MAD1L1: variants seen among roughly 807,000 people sequenced by gnomAD.
MAD1L1 encodes mitotic spindle assembly checkpoint protein MAD1.
Under a neutral mutation model 96.9 loss-of-function variants are expected in MAD1L1, and 95 were observed. The ratio of observed to expected loss-of-function variants is 0.98; its 90% CI spans 0.83 to 1.16. The LOEUF (loss-of-function observed/expected upper bound fraction) is 1.16. MAD1L1 is among the 50% of genes most tolerant of loss of function. The probability of loss-of-function intolerance (pLI) is 0.00; values close to 1 mark genes in which losing one functional copy is unlikely to be tolerated. For synonymous variants in MAD1L1, 473 were observed against 396.6 expected, an observed-to-expected ratio of 1.19 and a Z score of -2.29; for missense variants, 1,007 against 954.4, an observed-to-expected ratio of 1.06 and a Z score of -0.73.
intron 18 of MAD1L1, among the ~76,000 whole-genome samples, chr7:1,875,407 G>A (rs901205941): frequency 1.4e-4 from 21 of 152,310 alleles, no homozygotes; most frequent in Middle Eastern, 3.4e-3. Context: ...AGAACAACGC[G>A]AAGTTCTGGC....
intron 13 of MAD1L1, among the ~76,000 whole-genome samples, chr7:2,004,254 C>T (rs2060719056): frequency 6.6e-6 from 1 of 152,158 alleles, no homozygotes; most frequent in South Asian, 2.1e-4. Flanking sequence ...GAGCTGCCCG[C>T]ACCCCTGGCA....
At chr7:2,211,700 G>C (rs1380820336) in intron 10 of MAD1L1, among the ~76,000 whole-genome samples, 1 of 152,198 alleles carries the variant, frequency 6.6e-6, no homozygotes, top group Non-Finnish European at 1.5e-5. Flanking sequence ...GAGTTCAAGA[G>C]GAGACAGCAG....
intron 18 of MAD1L1, among the ~76,000 whole-genome samples, chr7:1,836,055 T>C (rs1425449261): frequency 1.3e-5 from 2 of 152,202 alleles, no homozygotes; most frequent in Non-Finnish European, 2.9e-5. Flanking sequence ...GGAGTCTCAC[T>C]CTGCCGCCCA....
At chr7:1,974,408 C>T (rs1490781323) in intron 15 of MAD1L1, among the ~76,000 whole-genome samples, 1 of 152,182 alleles carries the variant, frequency 6.6e-6, no homozygotes, top group Non-Finnish European at 1.5e-5. Flanking sequence ...ACAGGGTTCA[C>T]TAGGAGAAGA....
chr7:1,883,973 G>A (rs1320882767), intron 18 of MAD1L1, among the ~76,000 whole-genome samples: 2 of 152,318 alleles, frequency 1.3e-5, no homozygotes, highest in Admixed American at 6.5e-5. Context: ...CCTGGAGGAG[G>A]AACCGCAGGC....
Position 1,824,293 on chromosome 7 carries a change from G to C in MAD1L1, c.1999-8065C>G, listed in dbSNP as rs146955194. 2.4e-3 allele frequency among the ~76,000 whole-genome samples: 368 copies of C among 152,318 alleles called. 2 individuals carry two copies. Among genetic ancestry groups the C allele is most frequent in the African/African-American group, 8.5e-3 (353 of 41,566 alleles). On this transcript the variant is annotated intron_variant, in intron 18 of 18. Coordinates refer to ENST00000265854, the MANE Select transcript of MAD1L1 (RefSeq NM_001013836.2). ...GGGGCTTTCGCACCCACCAGAACTA[G>C]CTTCTAACCTCGGCTTGGCCACCAG...
In MAD1L1 at chr7:1,828,503, C is replaced by T. The variant is rs555062746; in HGVS notation, c.1999-12275G>A. ...GACCAGTGCCTGTCTCCGGCAGCCTCGCGGGAAAGCCTGCGAACTAGGCGG... is the reference window on the plus strand; with the variant it reads ...GACCAGTGCCTGTCTCCGGCAGCCTTGCGGGAAAGCCTGCGAACTAGGCGG... On this transcript the variant is annotated intron_variant, in intron 18 of 18. Transcript: ENST00000265854. Among the ~76,000 whole-genome samples, 500 of 152,328 alleles carry T rather than the reference C, an allele frequency of 3.3e-3. 3 individuals carry two copies. The highest frequency in any genetic ancestry group is 0.011 in the African/African-American group (472 of 41,578).
At chr7:2,179,533 A>AC (rs1214455960) in intron 10 of MAD1L1, among the ~76,000 whole-genome samples, 1 of 151,714 alleles carries the variant, frequency 6.6e-6, no homozygotes, top group Non-Finnish European at 1.5e-5. Context: ...TGTCTCAAAA[A>AC]AAAAAAAAAA....
At chr7:1,883,418 T>C (rs1785809587) in intron 18 of MAD1L1, among the ~76,000 whole-genome samples, 1 of 152,214 alleles carries the variant, frequency 6.6e-6, no homozygotes, top group African/African-American at 2.4e-5. Context: ...CAGTCTCTTC[T>C]GAATGCCTGG....
intron 10 of MAD1L1, chr7:2,202,057 C>G (rs1011240955): frequency 6.6e-6 from 1 of 152,398 alleles, no homozygotes; most frequent in South Asian, 2.1e-4. Context: ...CCTGTCACAG[C>G]AGCCAAGAGC....
intron 10 of MAD1L1, among the ~76,000 whole-genome samples, chr7:2,181,232 G>A (rs1363036692): frequency 5.3e-5 from 8 of 152,158 alleles, no homozygotes; most frequent in Non-Finnish European, 1.2e-4. Context: ...CATGTCTTCC[G>A]AATTTTGCGG....
At chr7:1,980,116 G>A (rs924184008) in intron 15 of MAD1L1, among the ~76,000 whole-genome samples, 6 of 152,198 alleles carry the variant, frequency 3.9e-5, no homozygotes, top group South Asian at 4.1e-4. Flanking sequence ...TGGAGAGGGG[G>A]ACAGGAGGCT....
At chr7:1,973,962 G>A (rs1185391892) in intron 15 of MAD1L1, among the ~76,000 whole-genome samples, 1 of 152,244 alleles carries the variant, frequency 6.6e-6, no homozygotes, top group African/African-American at 2.4e-5. Context: ...GCTCCCCGAG[G>A]GGCCACGCTG....
At chr7:1,890,248 C>T (rs1436439976) in intron 18 of MAD1L1, among the ~76,000 whole-genome samples, 3 of 152,198 alleles carry the variant, frequency 2.0e-5, no homozygotes, top group Non-Finnish European at 4.4e-5. Context: ...GAAATGGGAT[C>T]CCCAATGTTG....
chr7:2,077,407 C>G (rs2128535729), intron 11 of MAD1L1, among the ~76,000 whole-genome samples: 1 of 152,318 alleles, frequency 6.6e-6, no homozygotes, highest in Middle Eastern at 3.4e-3. Flanking sequence ...GAGCATGAAG[C>G]CACCGTGTCC....
chr7:2,151,558 G>A (rs1308257528), intron 10 of MAD1L1, among the ~76,000 whole-genome samples: 1 of 152,264 alleles, frequency 6.6e-6, no homozygotes, highest in Non-Finnish European at 1.5e-5. Flanking sequence ...CCTGCAGCCT[G>A]CAGAGCAGAA....
chr7:1,902,962 A>C lies in MAD1L1; in HGVS notation c.1808-4572T>G, dbSNP rs192721360. On this transcript the variant is annotated intron_variant, in intron 17 of 18. Coordinates refer to ENST00000265854, the MANE Select transcript of MAD1L1 (RefSeq NM_001013836.2). ...GATTGATGAAGCACTGTTCCAGGCA[A>C]GCGAGGACCCAGTGGCCTACAGAAG... is the stretch of plus-strand genomic sequence containing the variant. Among the ~76,000 whole-genome samples, 185 of 128,922 alleles carry C rather than the reference A, an allele frequency of 1.4e-3. 1 individual carries two copies. The highest frequency in any genetic ancestry group is 4.9e-3 in the African/African-American group (168 of 34,006). The allele number at this position is 128,922 out of a possible 152,430, so 84.6% of individuals were successfully genotyped here. A position where few individuals can be genotyped will look rare whatever the true frequency, so the allele number is the denominator to read the frequency against.
At chr7:2,168,712 C>T (rs747266668) in intron 10 of MAD1L1, among the ~76,000 whole-genome samples, 3 of 152,260 alleles carry the variant, frequency 2.0e-5, no homozygotes, top group Non-Finnish European at 4.4e-5. Context: ...GATACTCCCG[C>T]GTGGAGGGCG....
chr7:2,194,073 T>C (rs545298309), intron 10 of MAD1L1, among the ~76,000 whole-genome samples: 79 of 151,096 alleles, frequency 5.2e-4, no homozygotes, highest in Non-Finnish European at 8.9e-4. Flanking sequence ...CCTCTCGAGT[T>C]GTTGGGACCA....
Sources: allele counts gnomAD v4.1 joint callset (sites outside exome capture counted in the v4.1 genomes callset), GRCh38; gene constraint gnomAD v4.1.1; transcripts MANE v1.5; gene names NCBI Gene and HGNC (gene_info 2026-07-23, HGNC 2026-07-21).